Variants in PRKG1 observed in about 807,000 individuals in gnomAD.
PRKG1 encodes protein kinase cGMP-dependent 1.
In PRKG1, 35 loss-of-function variants were observed where a neutral mutation model predicts 88.1. The observed-to-expected ratio is 0.40, with a 90% CI of 0.30 to 0.53. PRKG1 has a LOEUF of 0.53. PRKG1 is among the 20% of genes least tolerant of loss of function. PRKG1 has a pLI of 0.59. For missense variants in PRKG1, 540 were observed against 839.8 expected, an observed-to-expected ratio of 0.64 and a Z score of 4.41; for synonymous variants, 303 against 292.5, an observed-to-expected ratio of 1.04 and a Z score of -0.37.
chr10:51,099,781 G>A (rs1015239094), intron 1 of PRKG1, among the ~76,000 whole-genome samples: 11 of 152,208 alleles, frequency 7.2e-5, no homozygotes, highest in Non-Finnish European at 1.3e-4. Context: ...CTTTGTCTCT[G>A]CGTAATAAGA....
chr10:52,202,831 T>C (rs1839712272), intron 9 of PRKG1, among the ~76,000 whole-genome samples: 1 of 152,160 alleles, frequency 6.6e-6, no homozygotes, highest in African/African-American at 2.4e-5. Context: ...GTTATAATAG[T>C]CTCTGAGGTT....
intron 9 of PRKG1, among the ~76,000 whole-genome samples, chr10:52,175,223 G>C (rs1258469474): frequency 1.3e-5 from 2 of 152,032 alleles, no homozygotes; most frequent in African/African-American, 2.4e-5. Flanking sequence ...CCACATATGA[G>C]TGAGAACATG....
At chr10:51,298,229 C>A (rs1840773282) in intron 2 of PRKG1, among the ~76,000 whole-genome samples, 1 of 152,146 alleles carries the variant, frequency 6.6e-6, no homozygotes, top group Non-Finnish European at 1.5e-5. Context: ...CATTTGAAAT[C>A]TGAACCCACA....
intron 7 of PRKG1, among the ~76,000 whole-genome samples, chr10:52,120,867 T>C (rs1179777357): frequency 6.6e-6 from 1 of 152,208 alleles, no homozygotes; most frequent in Non-Finnish European, 1.5e-5. Context: ...GGCATTGCCC[T>C]AGCAGTGGCT....
At chr10:51,641,167 A>T (rs958868360) in intron 3 of PRKG1, among the ~76,000 whole-genome samples, 1 of 152,226 alleles carries the variant, frequency 6.6e-6, no homozygotes, top group African/African-American at 2.4e-5. Flanking sequence ...CTGGGTTAGC[A>T]TCCAGAAGTG....
chr10:51,294,016 T>C (rs1382984491), intron 2 of PRKG1, among the ~76,000 whole-genome samples: 2 of 152,196 alleles, frequency 1.3e-5, no homozygotes, highest in Non-Finnish European at 2.9e-5. Flanking sequence ...CATTTTTATG[T>C]CTTCTGTTGA....
At chr10:51,257,418 G>A (rs757665370) in intron 2 of PRKG1, among the ~76,000 whole-genome samples, 2 of 152,054 alleles carry the variant, frequency 1.3e-5, no homozygotes, top group Admixed American at 6.6e-5. Context: ...CATATTTATC[G>A]AATGAAAACA....
chr10:51,912,328 A>G (rs1268671072), intron 5 of PRKG1, among the ~76,000 whole-genome samples: 1 of 152,146 alleles, frequency 6.6e-6, no homozygotes, highest in Non-Finnish European at 1.5e-5. Flanking sequence ...TTCTAAATGT[A>G]ATGGGGAGAT....
chr10:51,797,366 T>G (rs371041285), intron 3 of PRKG1, among the ~76,000 whole-genome samples: 1 of 146,636 alleles, frequency 6.8e-6, no homozygotes, highest in Non-Finnish European at 1.5e-5. Flanking sequence ...TATAAGAGAA[T>G]ATATAATAAA....
chr10:51,367,447 G>A (rs772635620), intron 2 of PRKG1, among the ~76,000 whole-genome samples: 1 of 151,916 alleles, frequency 6.6e-6, no homozygotes, highest in Admixed American at 6.6e-5. Flanking sequence ...AAATGCTGCT[G>A]AGGGAACATC....
At chr10:52,061,334 A>T (rs562076052) in intron 6 of PRKG1, among the ~76,000 whole-genome samples, 24 of 152,098 alleles carry the variant, frequency 1.6e-4, no homozygotes, top group Non-Finnish European at 3.2e-4. Flanking sequence ...TAGATTCAGA[A>T]ACTTGAAGCA....
Position 52,171,786 on chromosome 10 carries a change from A to ATTTTTT in PRKG1, c.1076+9845_1076+9850dup, listed in dbSNP as rs545195374. Among the ~76,000 whole-genome samples, 49 of 93,846 alleles carry ATTTTTT rather than the reference A, an allele frequency of 5.2e-4. 2 individuals carry two copies. Among genetic ancestry groups the ATTTTTT allele is most frequent in the African/African-American group, 1.7e-3 (41 of 23,438 alleles). The allele number at this position is 93,846 out of a possible 152,430, so 61.6% of individuals were successfully genotyped here. On this transcript the variant is annotated intron_variant, in intron 9 of 17. Transcript: ENST00000373980. ...ATAGAAGTATTTTTCTTTTATCAAA[A>ATTTTTT]TTTTTTTTTTTTTTTTTTTTTTTTT...
intron 7 of PRKG1, among the ~76,000 whole-genome samples, chr10:52,115,265 C>T (rs969646368): frequency 6.6e-6 from 1 of 151,966 alleles, no homozygotes; most frequent in African/African-American, 2.4e-5. Context: ...TTCTTTCTCC[C>T]TTCTAGAGAT....
chr10:51,950,377 A>T (rs2133051252), intron 5 of PRKG1, among the ~76,000 whole-genome samples: 1 of 152,374 alleles, frequency 6.6e-6, no homozygotes, highest in South Asian at 2.1e-4. Flanking sequence ...CTTGTTTAAA[A>T]TTACAAGTTT....
chr10:52,126,268 A>G (rs1036268654), intron 7 of PRKG1, among the ~76,000 whole-genome samples: 9 of 152,138 alleles, frequency 5.9e-5, no homozygotes, highest in Non-Finnish European at 1.2e-4. Flanking sequence ...TACAAAATAT[A>G]TTAACCTTTG....
chr10:52,156,157 G>A (rs1366563540), intron 8 of PRKG1, among the ~76,000 whole-genome samples: 1 of 151,896 alleles, frequency 6.6e-6, no homozygotes, highest in Non-Finnish European at 1.5e-5. Flanking sequence ...ATACTCTGGT[G>A]TGTGTAAGTG....
chr10:51,500,466 A>C (rs1171733237), intron 3 of PRKG1, among the ~76,000 whole-genome samples: 2 of 152,206 alleles, frequency 1.3e-5, no homozygotes, highest in Non-Finnish European at 1.5e-5. Context: ...CTATTCAATA[A>C]ATACAGTTTA....
intron 9 of PRKG1, among the ~76,000 whole-genome samples, chr10:52,228,065 G>A (rs1196229494): frequency 1.3e-5 from 2 of 152,130 alleles, no homozygotes; most frequent in African/African-American, 4.8e-5. Context: ...AATTTCTCAC[G>A]ATTTGGAATT....
chr10:51,512,301 G>A (rs796430830), intron 3 of PRKG1, among the ~76,000 whole-genome samples: 9 of 145,536 alleles, frequency 6.2e-5, no homozygotes, highest in East Asian at 4.1e-4. Flanking sequence ...CCATTAACTC[G>A]TCATTTAGCA....
Sources: allele counts gnomAD v4.1 joint callset (sites outside exome capture counted in the v4.1 genomes callset), GRCh38; gene constraint gnomAD v4.1.1; transcripts MANE v1.5; gene names NCBI Gene and HGNC (gene_info 2026-07-23, HGNC 2026-07-21).